Variants in ZNF184 observed in about 807,000 individuals in gnomAD.
ZNF184 encodes zinc finger protein 184, also known as zinc finger protein 184 (Kruppel-like).
A neutral mutation model predicts 54.4 loss-of-function variants in ZNF184; 16 were observed. The observed-to-expected ratio is 0.29, with a 90% CI of 0.20 to 0.45. The LOEUF is 0.45. ZNF184 is among the 20% of genes least tolerant of loss of function. The pLI is 1.00. For missense variants in ZNF184, 681 were observed against 888.2 expected, an observed-to-expected ratio of 0.77 and a Z score of 2.97; for synonymous variants, 254 against 295.3, an observed-to-expected ratio of 0.86 and a Z score of 1.43.
At chr6:27,438,893 A>G in the ZNF184 span, among the ~76,000 whole-genome samples, 1 of 152,152 alleles carries the variant, frequency 6.6e-6, no homozygotes, top group South Asian at 2.1e-4. Context: ...GAGTTTTTTT[A>G]CAAAGTTATT....
intron 3 of ZNF184, among the ~76,000 whole-genome samples, chr6:27,457,633 A>G (rs1762892345): frequency 6.6e-6 from 1 of 152,230 alleles, no homozygotes; most frequent in Non-Finnish European, 1.5e-5. Flanking sequence ...CGTCTGGCAT[A>G]TAATAAGTGC....
chr6:27,423,455 G>A, the ZNF184 span, among the ~76,000 whole-genome samples: 1 of 151,664 alleles, frequency 6.6e-6, no homozygotes, highest in East Asian at 1.9e-4. Context: ...CTGATTTGTG[G>A]GCTGTGAGTT....
At chr6:27,409,947 A>G in the ZNF184 span, among the ~76,000 whole-genome samples, 1 of 152,192 alleles carries the variant, frequency 6.6e-6, no homozygotes, top group Non-Finnish European at 1.5e-5. Flanking sequence ...CTGAATTTTT[A>G]CTATACCTTT....
the ZNF184 span, among the ~76,000 whole-genome samples, chr6:27,422,571 C>T: frequency 2.6e-5 from 4 of 152,046 alleles, no homozygotes; most frequent in Admixed American, 1.3e-4. Context: ...CTAATCTTCC[C>T]TGGTAAAGCA....
intron 3 of ZNF184, among the ~76,000 whole-genome samples, chr6:27,461,566 T>C (rs553421338): frequency 6.6e-6 from 1 of 152,274 alleles, no homozygotes; most frequent in East Asian, 1.9e-4. Flanking sequence ...GGATTTACTC[T>C]CCTACATGAA....
rs550265888 is a variant in ZNF184 at position 27,462,451 on chromosome 6, G to A, written c.76-5042C>T. Among the ~76,000 whole-genome samples, 142 of 151,348 alleles carry A rather than the reference G, an allele frequency of 9.4e-4. 1 individual carries two copies. The highest frequency in any genetic ancestry group is 3.3e-3 in the African/African-American group (137 of 41,022). ...CTGACCTCGTGATCCACCCGCCTTGGCCTCCCAAAGTGCTGGGATTACGGG... is the reference window on the plus strand; with the variant it reads ...CTGACCTCGTGATCCACCCGCCTTGACCTCCCAAAGTGCTGGGATTACGGG... On this transcript the variant is annotated intron_variant, in intron 3 of 5. Coordinates refer to ENST00000683788, the MANE Select transcript of ZNF184 (RefSeq NM_001318891.2).
At chr6:27,443,988 C>T in the ZNF184 span, among the ~76,000 whole-genome samples, 3 of 152,158 alleles carry the variant, frequency 2.0e-5, no homozygotes, top group Non-Finnish European at 4.4e-5. Context: ...CTAAAGAAAA[C>T]TCAGTGATGA....
chr6:27,453,257 C>G lies in ZNF184; in HGVS notation c.302G>C (p.Trp101Ser). The G allele has an allele frequency of 1.3e-6, 2 of 1,580,080 alleles. No homozygotes were observed. Among genetic ancestry groups the G allele is most frequent in the Non-Finnish European group, 1.7e-6 (2 of 1,167,704 alleles). Residue 101 changes from tryptophan (W) to serine (S), a missense_variant, in exon 6 of 6, where the codon TGG becomes TCG. Transcript: ENST00000683788. The surrounding 1 kb of genome is among the most constrained non-coding windows in gnomAD (Gnocchi z 4.7). ...CACACTATTTTCAAGTCTTGTCTCC[C>G]AGTCTAAAAGAAAAAGAAAATTCCA... Reference protein sequence around the residue: ...PSIPVGTCADWETRLENSVSA... With the variant: ...PSIPVGTCADSETRLENSVSA...
chr6:27,422,213 A>G, the ZNF184 span, among the ~76,000 whole-genome samples: 5 of 124,870 alleles, frequency 4.0e-5, 1 homozygote, highest in Admixed American at 8.6e-5. Flanking sequence ...AGAAAGAAAG[A>G]AAGAAAAGAA....
the ZNF184 span, among the ~76,000 whole-genome samples, chr6:27,435,607 T>C: frequency 1.3e-5 from 2 of 152,210 alleles, no homozygotes; most frequent in Non-Finnish European, 2.9e-5. Context: ...TACTTCTTCC[T>C]TTTCAATTTG....
chr6:27,470,066 T>G (rs1763237279), intron 2 of ZNF184, among the ~76,000 whole-genome samples: 1 of 152,268 alleles, frequency 6.6e-6, no homozygotes, highest in African/African-American at 2.4e-5. Context: ...CAGTGCCATC[T>G]AATTTTAGTT....
the ZNF184 span, among the ~76,000 whole-genome samples, chr6:27,437,139 T>C: frequency 6.6e-6 from 1 of 152,244 alleles, no homozygotes; most frequent in Non-Finnish European, 1.5e-5. Flanking sequence ...CCGTTTCTAG[T>C]ATTACTTACA....
At chr6:27,421,946 C>T in the ZNF184 span, among the ~76,000 whole-genome samples, 2 of 151,902 alleles carry the variant, frequency 1.3e-5, no homozygotes, top group Admixed American at 1.3e-4. Context: ...TGGCACATGC[C>T]TGTGGTCCCA....
At chr6:27,466,063 T>C (rs1561842392) in intron 3 of ZNF184, among the ~76,000 whole-genome samples, 1 of 151,510 alleles carries the variant, frequency 6.6e-6, no homozygotes, top group African/African-American at 2.4e-5. Flanking sequence ...CCTAGAGTAA[T>C]CACAAGGGTC....
Position 27,452,916 on chromosome 6 carries a change from G to C in ZNF184, c.643C>G (p.Pro215Ala), listed in dbSNP as rs368178770. The change falls in exon 6 of 6, where the codon CCA becomes GCA. Residue 215 changes from proline to alanine, a missense_variant. Transcript: ENST00000683788. This position sits in a 1 kb window ranked among gnomAD's most constrained non-coding sequence, Gnocchi z 5.5. The part of the protein sequence containing the change: ...TKRSIKQNSN[P>A]VKKEKSCKCN... ...TTACAAGATTTCTCTTTTTTAACTG[G>C]GTTTGAATTCTGTTTGATGCTTCTT... The C allele has an allele frequency of 6.2e-7, 1 of 1,613,934 alleles. No homozygotes were observed. Among genetic ancestry groups the C allele is most frequent in the Non-Finnish European group, 8.5e-7 (1 of 1,179,982 alleles).
intron 3 of ZNF184, among the ~76,000 whole-genome samples, chr6:27,466,259 G>A (rs1436722064): frequency 6.6e-6 from 1 of 152,088 alleles, no homozygotes; most frequent in Non-Finnish European, 1.5e-5. Context: ...AAAAGGCAAG[G>A]AATAGATTCT....
At position 27,453,171 on chromosome 6, in the gene ZNF184, G is replaced by C; in HGVS notation, c.388C>G (p.His130Asp). 6.2e-7 allele frequency: 1 copy of C among 1,613,938 alleles called. No homozygotes were observed. The highest frequency in any genetic ancestry group is 8.5e-7 in the Non-Finnish European group (1 of 1,179,976). ...ELSPEVIVEKHKRDDSWSSNL... is the reference protein window; with the variant it reads ...ELSPEVIVEKDKRDDSWSSNL... ...GAACTCCAAGAATCATCTCTTTTGT[G>C]TTTTTCCACTATTACCTCTGGAGAT... Residue 130 changes from histidine (H) to aspartate (D), a missense_variant, in exon 6 of 6, where the codon CAC (histidine) becomes GAC (aspartate). Physicochemically the swap from His to Asp is moderately conservative, Grantham distance 81. Transcript: ENST00000683788. This position sits in a 1 kb window ranked among gnomAD's most constrained non-coding sequence, Gnocchi z 4.7.
chr6:27,422,967 G>A, the ZNF184 span, among the ~76,000 whole-genome samples: 1 of 152,178 alleles, frequency 6.6e-6, no homozygotes, highest in Non-Finnish European at 1.5e-5. Flanking sequence ...TTAATAGCAG[G>A]CAAGGGCGCG....
At chr6:27,428,699 G>A in the ZNF184 span, among the ~76,000 whole-genome samples, 4 of 152,184 alleles carry the variant, frequency 2.6e-5, no homozygotes, top group Admixed American at 1.3e-4. The surrounding 1 kb of genome is among the most constrained non-coding windows in gnomAD (Gnocchi z 4.1). Flanking sequence ...AAAGGCCGCA[G>A]GCTCAGGAAA....
Sources: gnomAD v4.1 joint callset for allele counts (sites outside exome capture counted in the v4.1 genomes callset) on GRCh38, gnomAD v4.1.1 for gene constraint, Gnocchi (gnomAD v3.1) non-coding constraint, MANE v1.5 for transcripts, NCBI Gene and HGNC (gene_info 2026-07-23, HGNC 2026-07-21) for gene names.